The following COL4A3 variants were observed in gnomAD, a reference collection of about 807,000 sequenced individuals.
COL4A3 encodes the protein collagen type IV alpha 3 chain.
A neutral mutation model predicts 217.4 loss-of-function variants in COL4A3; 135 were observed. That is an observed-to-expected ratio of 0.62 (90% CI 0.54 to 0.72). COL4A3 has a LOEUF of 0.72. COL4A3 is among the 30% of genes least tolerant of loss of function. The pLI is 0.00. For missense variants in COL4A3, 1,868 were observed against 2,119.9 expected, an observed-to-expected ratio of 0.88 and a Z score of 2.33; for synonymous variants, 690 against 736.3, an observed-to-expected ratio of 0.94 and a Z score of 1.02.
rs56407162 is a variant in COL4A3, at chr2:227,191,543, A to G, written c.87+26730A>G. Among the ~76,000 whole-genome samples the G allele has an allele frequency of 0.019, 2,828 of 152,292 alleles. 34 individuals carry two copies. The highest frequency in any genetic ancestry group is 0.032 in the South Asian group (154 of 4,824). On this transcript the variant is annotated intron_variant, in intron 1 of 51. Transcript: ENST00000396578. This position sits in a 1 kb window ranked among gnomAD's most constrained non-coding sequence, Gnocchi z 6.8. ...GGCCATTCCCCGCATCAAGGATTCA[A>G]AGAACCTGCCAAGGGGCTGCAATGG...
rs1574787385 is a variant in COL4A3, at chr2:227,284,199, C to T, written c.2747-12C>T. The T allele has an allele frequency of 6.2e-7, 1 of 1,613,960 alleles. No homozygotes were observed. The highest frequency in any genetic ancestry group is 2.2e-5 in the East Asian group (1 of 44,884). ...GAATTAAGGACCTGATGTTGTTACT[C>T]CTGTCTGTTAGGGAGCCCTGGAATT... On this transcript the variant is annotated splice_polypyrimidine_tract_variant and intron_variant, in intron 33 of 51. Coordinates refer to ENST00000396578, the MANE Select transcript of COL4A3 (RefSeq NM_000091.5).
At chr2:227,196,336 T>TA (rs2066475641) in intron 1 of COL4A3, among the ~76,000 whole-genome samples, 1 of 151,548 alleles carries the variant, frequency 6.6e-6, no homozygotes, top group Non-Finnish European at 1.5e-5. Context: ...TTTTTTTTTT[T>TA]AGACAGAGTC....
At chr2:227,174,634 G>A (rs2065610253) in intron 1 of COL4A3, among the ~76,000 whole-genome samples, 1 of 152,136 alleles carries the variant, frequency 6.6e-6, no homozygotes, top group South Asian at 2.1e-4. Flanking sequence ...AGCCTCCCGA[G>A]TAGCTGGGAT....
At chr2:227,271,417 T>C (rs796853343) in intron 25 of COL4A3, among the ~76,000 whole-genome samples, 9 of 152,072 alleles carry the variant, frequency 5.9e-5, no homozygotes, top group African/African-American at 2.2e-4. Context: ...TCCCTTTTCA[T>C]GAGAGAGTTT....
In COL4A3 at chr2:227,313,615, G is replaced by T. The variant is rs965661009; in HGVS notation, c.*1745G>T. On this transcript the variant is annotated 3_prime_UTR_variant, in exon 52 of 52. Transcript: ENST00000396578. ...TGTAAGTGAAAAACATGACCCAGAG[G>T]ACAGCACAGACTATGGCCATGGCTC... 7.2e-5 allele frequency: 11 copies of T among 152,550 alleles called. No homozygotes were observed. The highest frequency in any genetic ancestry group is 2.4e-4 in the African/African-American group (10 of 41,432). 9.4% of individuals were successfully genotyped at this position (152,550 alleles called of 1,614,324 possible).
chr2:227,201,694 T>C (rs1183589085), intron 1 of COL4A3, among the ~76,000 whole-genome samples: 1 of 152,182 alleles, frequency 6.6e-6, no homozygotes, highest in African/African-American at 2.4e-5. Flanking sequence ...CCTTTTCAAC[T>C]GTAAAACAGA....
chr2:227,239,229 T>C (rs956677751), intron 2 of COL4A3, among the ~76,000 whole-genome samples: 1 of 123,366 alleles, frequency 8.1e-6, no homozygotes, highest in African/African-American at 2.9e-5. Flanking sequence ...AATACAACAA[T>C]TAAAGATAAT....
At chr2:227,229,828 C>T (rs1409594156) in intron 1 of COL4A3, among the ~76,000 whole-genome samples, 1 of 152,116 alleles carries the variant, frequency 6.6e-6, no homozygotes, top group Non-Finnish European at 1.5e-5. Context: ...GTGAGTGGAT[C>T]ACGAGGTCAG....
At chr2:227,208,889 C>T (rs756496359) in intron 1 of COL4A3, among the ~76,000 whole-genome samples, 5 of 151,744 alleles carry the variant, frequency 3.3e-5, no homozygotes, top group Non-Finnish European at 5.9e-5. Context: ...CAAAATTATG[C>T]TGTGTGCAAA....
In COL4A3 at chr2:227,276,338, C is replaced by A. The variant is rs761302761; in HGVS notation, c.1928-47C>A. On this transcript the variant is annotated intron_variant, in intron 26 of 51. Coordinates refer to ENST00000396578, the MANE Select transcript of COL4A3 (RefSeq NM_000091.5). ...TCGTATTTTCCGCTATCGTCTAAGA[C>A]AAGCTTCAATATATACCCCAATCTT... 6.7e-6 allele frequency: 9 copies of A among 1,353,156 alleles called. No homozygotes were observed. The African/African-American group carries it at 1.1e-4, about 17-fold the overall frequency. 83.8% of individuals were successfully genotyped at this position (1,353,156 alleles called of 1,614,324 possible). A position where few individuals can be genotyped will look rare whatever the true frequency, so the allele number is the denominator to read the frequency against.
chr2:227,246,754 T>G lies in COL4A3; in HGVS notation c.441+16T>G. ...AGGGATCCCGGTAGGTTTGCATGCCTAATTCCCCAACAAAGACATAAAGTA... is the reference window on the plus strand; with the variant it reads ...AGGGATCCCGGTAGGTTTGCATGCCGAATTCCCCAACAAAGACATAAAGTA... On this transcript the variant is annotated intron_variant, in intron 7 of 51. Transcript: ENST00000396578. 1 of 1,601,548 alleles carries G rather than the reference T, an allele frequency of 6.2e-7. No homozygotes were observed. The highest frequency in any genetic ancestry group is 8.6e-7 in the Non-Finnish European group (1 of 1,168,588).
intron 1 of COL4A3, among the ~76,000 whole-genome samples, chr2:227,201,651 G>T (rs1201522550): frequency 6.6e-6 from 1 of 152,184 alleles, no homozygotes; most frequent in Non-Finnish European, 1.5e-5. Flanking sequence ...AATACCTGAT[G>T]TCACTATAGA....
chr2:227,281,141 T>C (rs1175400086), intron 31 of COL4A3, 135 bp downstream of exon 31: 1 of 723,468 alleles, frequency 1.4e-6, no homozygotes, highest in Admixed American at 2.0e-5. Flanking sequence ...ACTTCAGAAG[T>C]GTAAACCTTG....
At chr2:227,266,133 A>G (rs953309167) in intron 21 of COL4A3, among the ~76,000 whole-genome samples, 28 of 152,168 alleles carry the variant, frequency 1.8e-4, no homozygotes, top group African/African-American at 6.5e-4. Flanking sequence ...TCAACTTGGA[A>G]TAATTGGAAA....
At chr2:227,292,326 A>G (rs986314932) in intron 37 of COL4A3, among the ~76,000 whole-genome samples, 18 of 152,326 alleles carry the variant, frequency 1.2e-4, no homozygotes, top group Admixed American at 7.2e-4. Flanking sequence ...TGTTCTTTAT[A>G]TTTAGATTAA....
chr2:227,272,245 A>G (rs914315882), intron 25 of COL4A3, among the ~76,000 whole-genome samples: 2 of 152,198 alleles, frequency 1.3e-5, no homozygotes, highest in Non-Finnish European at 2.9e-5. Flanking sequence ...TTTTCTTTAT[A>G]AGTTCTGGTA....
In COL4A3 at chr2:227,312,348, G is replaced by T; in HGVS notation, c.*478G>T. Reference sequence around the variant, plus strand: ...GGCATGTGGTATCCTGGAGCATTGTGTATAGAACTGGATTTTCAGACCTGC... The same window carrying T: ...GGCATGTGGTATCCTGGAGCATTGTTTATAGAACTGGATTTTCAGACCTGC... On this transcript the variant is annotated 3_prime_UTR_variant, in exon 52 of 52. Coordinates refer to ENST00000396578, the MANE Select transcript of COL4A3 (RefSeq NM_000091.5). 1 of 192,942 alleles carries T rather than the reference G, an allele frequency of 5.2e-6. No homozygotes were observed. The highest frequency in any genetic ancestry group is 1.1e-5 in the Non-Finnish European group (1 of 92,764). 12.0% of individuals were successfully genotyped at this position (192,942 alleles called of 1,614,324 possible). A position where few individuals can be genotyped will look rare whatever the true frequency, so the allele number is the denominator to read the frequency against.
At position 227,261,073 on chromosome 2, in the gene COL4A3, T is replaced by C. The variant is rs766956104; in HGVS notation, c.1115-9T>C. ...TTCTAAGCAATTAATTAATGTTATA[T>C]ATTCCCAGGTCCCAGTGGTCCCCCC... On this transcript the variant is annotated splice_polypyrimidine_tract_variant and intron_variant, in intron 19 of 51. Coordinates refer to ENST00000396578, the MANE Select transcript of COL4A3 (RefSeq NM_000091.5). 2 of 1,609,034 alleles carry C rather than the reference T, an allele frequency of 1.2e-6. No homozygotes were observed. The highest frequency in any genetic ancestry group is 1.7e-5 in the Admixed American group (1 of 60,024).
intron 1 of COL4A3, among the ~76,000 whole-genome samples, chr2:227,236,347 TC>T (rs1444496236): frequency 6.6e-6 from 1 of 152,222 alleles, no homozygotes; most frequent in African/African-American, 2.4e-5. Context: ...TACTGTGTGC[TC>T]CCTTCCTGGA....
Sources: gnomAD v4.1 joint callset for allele counts (sites outside exome capture counted in the v4.1 genomes callset) on GRCh38, gnomAD v4.1.1 for gene constraint, Gnocchi (gnomAD v3.1) non-coding constraint, MANE v1.5 for transcripts, NCBI Gene and HGNC (gene_info 2026-07-23, HGNC 2026-07-21) for gene names.